The following DLGAP2 variants were observed in gnomAD, a reference collection of about 807,000 sequenced individuals.
DLGAP2 encodes the protein disks large-associated protein 2.
DLGAP2 carries 26 observed loss-of-function variants against 100.3 expected under a neutral mutation model. The observed-to-expected ratio is 0.26, with a 90% CI of 0.19 to 0.36. DLGAP2 has a LOEUF of 0.36. DLGAP2 is among the 10% of genes least tolerant of loss of function. The pLI, the probability that DLGAP2 is intolerant of heterozygous loss-of-function variation, is 1.00. For missense variants in DLGAP2, 1,858 were observed against 1,453.2 expected, an observed-to-expected ratio of 1.28 and a Z score of -4.53; for synonymous variants, 886 against 630.1, an observed-to-expected ratio of 1.41 and a Z score of -6.08.
Position 1,456,298 on chromosome 8 carries a change from C to T in DLGAP2, c.107-45068C>T, listed in dbSNP as rs775664630. On this transcript the variant is annotated intron_variant, in intron 3 of 14. Transcript: ENST00000637795. ...GGGTTACAGAATGTTTCTACACACACGCTTCTCCCAGGCTGCCACCCTGTA... is the reference window on the plus strand; with the variant it reads ...GGGTTACAGAATGTTTCTACACACATGCTTCTCCCAGGCTGCCACCCTGTA... Among the ~76,000 whole-genome samples the T allele has an allele frequency of 6.6e-5, 10 of 152,196 alleles. No homozygotes were observed. The East Asian group carries it at 7.7e-4, about 12-fold the overall frequency.
At chr8:1,174,634 A>T (rs771966869) in intron 2 of DLGAP2, among the ~76,000 whole-genome samples, 9 of 151,334 alleles carry the variant, frequency 5.9e-5, no homozygotes, top group Non-Finnish European at 1.3e-4. Flanking sequence ...TACTGCCACC[A>T]TCATCATCGT....
chr8:1,070,707 G>T (rs1803401839), intron 2 of DLGAP2, among the ~76,000 whole-genome samples: 1 of 152,154 alleles, frequency 6.6e-6, no homozygotes, highest in Admixed American at 6.5e-5. Flanking sequence ...AAAGACCATG[G>T]GGAAAGTTAG....
intron 3 of DLGAP2, among the ~76,000 whole-genome samples, chr8:1,465,552 A>G (rs1020426486): frequency 5.9e-5 from 9 of 152,166 alleles, no homozygotes; most frequent in African/African-American, 2.2e-4. Context: ...GGGAAGGGGC[A>G]TGGAGTTTCT....
chr8:1,212,604 C>T (rs1049075986), intron 2 of DLGAP2, among the ~76,000 whole-genome samples: 20 of 151,996 alleles, frequency 1.3e-4, no homozygotes, highest in East Asian at 7.7e-4. Context: ...AGGAGGCAGA[C>T]GTGGTCATCA....
intron 4 of DLGAP2, among the ~76,000 whole-genome samples, chr8:1,522,437 A>G (rs1181619223): frequency 6.6e-6 from 1 of 152,202 alleles, no homozygotes; most frequent in Non-Finnish European, 1.5e-5. Context: ...CCTTTTGCTC[A>G]GAGCACGGGA....
chr8:1,171,539 A>G (rs1408137633), intron 2 of DLGAP2, among the ~76,000 whole-genome samples: 2 of 151,904 alleles, frequency 1.3e-5, no homozygotes, highest in Non-Finnish European at 2.9e-5. Context: ...TAGGTCACTC[A>G]GGACTTGCTT....
chr8:1,326,502 C>G (rs1801024681), intron 3 of DLGAP2, among the ~76,000 whole-genome samples: 1 of 151,924 alleles, frequency 6.6e-6, no homozygotes, highest in Non-Finnish European at 1.5e-5. Context: ...GCCTGTCACT[C>G]AGGACACGGC....
chr8:1,244,624 ACACTAACT>A (rs1441382202), intron 2 of DLGAP2, among the ~76,000 whole-genome samples: 1 of 90,502 alleles, frequency 1.1e-5, no homozygotes, highest in Non-Finnish European at 2.4e-5. Flanking sequence ...CCCATACACC[ACACTAACT>A]CAAAATGGGT....
intron 3 of DLGAP2, among the ~76,000 whole-genome samples, chr8:1,473,694 C>G (rs1046139316): frequency 3.3e-5 from 5 of 151,386 alleles, no homozygotes; most frequent in Non-Finnish European, 5.9e-5. Flanking sequence ...CCCATAATCT[C>G]CACTGTTGTG....
chr8:1,039,660 G>C (rs1216535476), intron 2 of DLGAP2, among the ~76,000 whole-genome samples: 22 of 36,578 alleles, frequency 6.0e-4, no homozygotes, highest in South Asian at 1.2e-3. Context: ...AGCTCGGTGT[G>C]GGTGGTCAGC....
At chr8:1,418,067 A>T (rs1325406061) in intron 3 of DLGAP2, among the ~76,000 whole-genome samples, 5 of 152,208 alleles carry the variant, frequency 3.3e-5, no homozygotes, top group African/African-American at 1.2e-4. Context: ...GAATATTGTT[A>T]TCTCATTAGC....
chr8:782,090 A>G (rs181376309), intron 1 of DLGAP2, among the ~76,000 whole-genome samples: 22 of 152,362 alleles, frequency 1.4e-4, no homozygotes, highest in African/African-American at 4.6e-4. Flanking sequence ...TGTTTCTAGC[A>G]TAAAGAAAAG....
chr8:1,471,738 A>G (rs1484916956), intron 3 of DLGAP2, among the ~76,000 whole-genome samples: 1 of 152,134 alleles, frequency 6.6e-6, no homozygotes, highest in Non-Finnish European at 1.5e-5. Context: ...GTGACGGACC[A>G]TGCTGTGTAG....
intron 5 of DLGAP2, among the ~76,000 whole-genome samples, chr8:1,555,154 C>T (rs569110000): frequency 3.0e-4 from 46 of 152,252 alleles, no homozygotes; most frequent in African/African-American, 1.0e-3. Flanking sequence ...AATAGCAGGT[C>T]CGGGAGGAGC....
chr8:1,003,425 T>C (rs1254641795), intron 2 of DLGAP2: 3 of 152,242 alleles, frequency 2.0e-5, no homozygotes, highest in Non-Finnish European at 4.4e-5. Context: ...TTGTCACAGG[T>C]CACTAGATTA....
chr8:1,300,457 G>C (rs926069550), intron 3 of DLGAP2: 1 of 152,230 alleles, frequency 6.6e-6, no homozygotes, highest in Non-Finnish European at 1.5e-5. Context: ...ATGCCATCTT[G>C]CCTCTGTGAA....
chr8:1,102,420 C>T (rs933433633), intron 2 of DLGAP2, among the ~76,000 whole-genome samples: 1 of 150,566 alleles, frequency 6.6e-6, no homozygotes, highest in African/African-American at 2.4e-5. Flanking sequence ...TGTCTCGAGT[C>T]ACTCAGTGAT....
rs543133966 is a variant in DLGAP2 at position 1,658,011 on chromosome 8, G to C, written c.1811-10318G>C. 1.2e-4 allele frequency among the ~76,000 whole-genome samples: 19 copies of C among 152,276 alleles called. No homozygotes were observed. The South Asian group carries it at 3.1e-3, about 25-fold the overall frequency. On this transcript the variant is annotated intron_variant, in intron 8 of 14. Transcript: ENST00000637795. ...AAAAGAAAGTCTCCCGTTTGCAGCA[G>C]AATGCAATCGGTTCTGTACAGAGGC...
chr8:1,526,875 G>C (rs1054971578), intron 4 of DLGAP2, among the ~76,000 whole-genome samples: 1 of 152,234 alleles, frequency 6.6e-6, no homozygotes, highest in African/African-American at 2.4e-5. Context: ...CTGCAGCAGA[G>C]CCTGGAAAGG....
Sources: allele counts gnomAD v4.1 joint callset (sites outside exome capture counted in the v4.1 genomes callset), GRCh38; gene constraint gnomAD v4.1.1; transcripts MANE v1.5; gene names NCBI Gene and HGNC (gene_info 2026-07-23, HGNC 2026-07-21).